The following PSMG2 variants were observed in gnomAD, a reference collection of about 807,000 sequenced individuals.
PSMG2 encodes proteasome assembly chaperone 2.
Under a neutral mutation model 31.5 loss-of-function variants are expected in PSMG2, and 21 were observed. The observed-to-expected ratio is 0.67, with a 90% CI of 0.47 to 0.96. The LOEUF (loss-of-function observed/expected upper bound fraction) is 0.96. Among genes scored for constraint, PSMG2 ranks in the 40% least tolerant of loss-of-function variants. The pLI is 0.00. For missense variants in PSMG2, 318 were observed against 321.2 expected (o/e 0.99, Z 0.08); for synonymous variants, 120 against 110.4 (o/e 1.09, Z -0.54).
At chr18:12,703,229 G>GT in intron 1 of PSMG2, 65 bp downstream of exon 1, 3 of 1,505,948 alleles carry the variant, frequency 2.0e-6, no homozygotes, top group Non-Finnish European at 2.7e-6. Context: ...CCACCCCGAC[G>GT]CGGGGTGTTT....
chr18:12,701,140 T>A, upstream of PSMG2: 1 of 1,582,828 alleles, frequency 6.3e-7, no homozygotes, highest in Non-Finnish European at 8.6e-7. Flanking sequence ...TATTACAATT[T>A]ATAACATCAC....
intron 3 of PSMG2, 32 bp from the exon 4 acceptor site, chr18:12,718,485 T>C (rs534065405): frequency 1.4e-6 from 2 of 1,418,688 alleles, no homozygotes; most frequent in South Asian, 2.6e-5. Flanking sequence ...AACTTTTAGA[T>C]TTTCTTTTTA....
At chr18:12,699,985 CACT>C (rs2040096882), upstream of PSMG2, 4 of 878,302 alleles carry the variant, frequency 4.6e-6, no homozygotes, top group Non-Finnish European at 6.8e-6. Context: ...CATGACTAAG[CACT>C]GAACCTAAAG....
intron 1 of PSMG2, chr18:12,673,092 C>T (rs971713303): frequency 9.9e-5 from 101 of 1,018,828 alleles, no homozygotes; most frequent in Non-Finnish European, 1.2e-4. Context: ...ATTTAAACTA[C>T]TGATAACTGT....
At position 12,703,089 on chromosome 18, in the gene PSMG2, TG is replaced by T. The variant is rs780213950; in HGVS notation, c.-17del. ...TGCCAGGGCCGCGGTTAGTCCCTGC[TG>T]GCCACCCCACTGCGACCATGTTCGT... On this transcript the variant is annotated 5_prime_UTR_variant, in exon 1 of 7. Transcript: ENST00000317615. 8.1e-6 allele frequency: 13 copies of T among 1,611,272 alleles called. No individual in the cohort carries two copies. In the Admixed American group the frequency reaches 1.5e-4, roughly 19 times the overall value.
At chr18:12,670,404 A>C (rs2038914059) in intron 1 of PSMG2, 1 of 152,204 alleles carries the variant, frequency 6.6e-6, no homozygotes, top group South Asian at 2.1e-4. Context: ...TCTTCAGAGA[A>C]AAATATTAAT....
intron 1 of PSMG2, among the ~76,000 whole-genome samples, chr18:12,668,956 G>T (rs140231297): frequency 0.026 from 3,844 of 147,696 alleles, 181 homozygotes; most frequent in African/African-American, 0.091. Flanking sequence ...GGCCAGGCTG[G>T]TCTTGAACTC....
At position 12,718,068 on chromosome 18, in the gene PSMG2, G is replaced by A. The variant is rs181017214; in HGVS notation, c.289-449G>A. 2.0e-5 allele frequency among the ~76,000 whole-genome samples: 3 copies of A among 149,840 alleles called. No homozygotes were observed. In the East Asian group the frequency reaches 5.8e-4, roughly 29 times the overall value. On this transcript the variant is annotated intron_variant, in intron 3 of 6. Coordinates refer to ENST00000317615, the MANE Select transcript of PSMG2 (RefSeq NM_020232.5). The stretch of plus-strand genomic sequence containing the variant: ...CGGTTCCCCCGGCTGGAGTGCAATG[G>A]CACAATCTCGGTTCACTGCAGCCTT...
At chr18:12,709,303 C>T (rs2040304427) in intron 2 of PSMG2, among the ~76,000 whole-genome samples, 1 of 151,818 alleles carries the variant, frequency 6.6e-6, no homozygotes, top group African/African-American at 2.4e-5. Context: ...CCTCAGCCTC[C>T]AAAGTGCTGG....
At chr18:12,711,817 G>A (rs192891723) in intron 2 of PSMG2, among the ~76,000 whole-genome samples, 1 of 145,030 alleles carries the variant, frequency 6.9e-6, no homozygotes, top group Non-Finnish European at 1.5e-5. Flanking sequence ...GCAGTGGCGC[G>A]ATCTCTGCTC....
At chr18:12,712,641 A>G in intron 2 of PSMG2, 61 bp from the exon 3 acceptor site, 1 of 1,275,750 alleles carries the variant, frequency 7.8e-7, no homozygotes, top group Non-Finnish European at 1.1e-6. Context: ...TGTTTATCAT[A>G]ATAATTTCAA....
intron 1 of PSMG2, among the ~76,000 whole-genome samples, chr18:12,704,812 C>G (rs969811935): frequency 2.0e-5 from 3 of 151,966 alleles, no homozygotes; most frequent in Non-Finnish European, 4.4e-5. Flanking sequence ...AGAGTTTAAC[C>G]CAAGTAGCAA....
intron 1 of PSMG2, among the ~76,000 whole-genome samples, chr18:12,693,176 A>G (rs745733587): frequency 2.6e-5 from 4 of 152,242 alleles, no homozygotes; most frequent in Non-Finnish European, 5.9e-5. Flanking sequence ...TTATCAGATA[A>G]TAGAATAAAC....
intron 1 of PSMG2, among the ~76,000 whole-genome samples, chr18:12,659,139 CT>C (rs2038642249): frequency 6.6e-6 from 1 of 152,154 alleles, no homozygotes; most frequent in Non-Finnish European, 1.5e-5. Context: ...TGTGAAAGCC[CT>C]ACAGAGTGTT....
upstream of PSMG2, among the ~76,000 whole-genome samples, chr18:12,698,423 C>T (rs1009497489): frequency 3.3e-5 from 5 of 152,070 alleles, no homozygotes; most frequent in African/African-American, 1.2e-4. Flanking sequence ...CCTGCCTTGG[C>T]CTCCCAAAGT....
intron 3 of PSMG2, among the ~76,000 whole-genome samples, chr18:12,717,403 A>G (rs989343450): frequency 1.3e-5 from 2 of 152,256 alleles, no homozygotes; most frequent in African/African-American, 4.8e-5. Context: ...CTGAAATTTT[A>G]TAACCCACAT....
intron 1 of PSMG2, among the ~76,000 whole-genome samples, chr18:12,668,527 G>GGT: frequency 7.2e-6 from 1 of 139,522 alleles, no homozygotes; most frequent in Middle Eastern, 4.1e-3. Flanking sequence ...GAACCCAGGA[G>GGT]GTAGAGGTTG....
At chr18:12,703,232 G>T (rs980571257) in intron 1 of PSMG2, 68 bp downstream of exon 1, 9 of 1,510,002 alleles carry the variant, frequency 6.0e-6, no homozygotes, top group African/African-American at 2.8e-5. Context: ...CCCCGACGCG[G>T]GGTGTTTGGC....
chr18:12,701,110 C>T (rs2040135644), upstream of PSMG2: 5 of 1,608,396 alleles, frequency 3.1e-6, no homozygotes, highest in African/African-American at 1.3e-5. Flanking sequence ...CCATGGACAT[C>T]CATCTATGTA....
Sources: gnomAD v4.1 joint callset for allele counts (sites outside exome capture counted in the v4.1 genomes callset) on GRCh38, gnomAD v4.1.1 for gene constraint, MANE v1.5 for transcripts, NCBI Gene and HGNC (gene_info 2026-07-23, HGNC 2026-07-21) for gene names.